Variants in ADGRD1 observed in about 807,000 individuals in gnomAD.
The protein encoded by ADGRD1 is G-protein coupled receptor 133.
ADGRD1 carries 77 observed loss-of-function variants against 113.4 expected under a neutral mutation model. The ratio of observed to expected loss-of-function variants is 0.68; its 90% CI spans 0.57 to 0.82. The LOEUF is 0.82. Ranked by LOEUF, ADGRD1 falls within the 40% of genes least tolerant of loss-of-function variation. ADGRD1 has a pLI of 0.00. For missense variants in ADGRD1, 1,036 were observed against 1,139.1 expected, an observed-to-expected ratio of 0.91 and a Z score of 1.30; for synonymous variants, 474 against 475.0, an observed-to-expected ratio of 1.00 and a Z score of 0.03.
chr12:131,033,828 C>G (rs7298564), intron 13 of ADGRD1, among the ~76,000 whole-genome samples: 79,030 of 152,034 alleles, frequency 0.52, 21,640 homozygotes, highest in Non-Finnish European at 0.61. Context: ...TTCCCTGAGC[C>G]GCGTGGGTGA....
chr12:131,119,862 C>T (rs1352954893), intron 19 of ADGRD1, among the ~76,000 whole-genome samples: 1 of 152,180 alleles, frequency 6.6e-6, no homozygotes, highest in Non-Finnish European at 1.5e-5. Flanking sequence ...GGTGCTGTCT[C>T]TTGTTTTGGG....
At chr12:131,006,963 C>G (rs942427287) in intron 12 of ADGRD1, among the ~76,000 whole-genome samples, 2 of 152,104 alleles carry the variant, frequency 1.3e-5, no homozygotes, top group African/African-American at 4.8e-5. Context: ...GAGATCTTTC[C>G]AAGATAGTGA....
In ADGRD1 at chr12:131,050,298, G is replaced by A. The variant is rs1274561210; in HGVS notation, c.1474-26503G>A. 6.6e-6 allele frequency among the ~76,000 whole-genome samples: 1 copy of A among 152,064 alleles called. No individual in the cohort carries two copies. The highest frequency in any genetic ancestry group is 1.9e-4 in the East Asian group (1 of 5,188). On this transcript the variant is annotated intron_variant, in intron 13 of 24. Coordinates refer to ENST00000261654, the MANE Select transcript of ADGRD1 (RefSeq NM_198827.5). The surrounding 1 kb of genome is among the most constrained non-coding windows in gnomAD (Gnocchi z 4.8). ...CATAGCCAGGAAGTGCTGTTAGTTG[G>A]GCAGGCCAAGTACTCTGGAGTTGCT... is the stretch of plus-strand genomic sequence containing the variant.
In ADGRD1 at chr12:131,105,812, G is replaced by C; in HGVS notation, c.1834G>C (p.Val612Leu). Residue 612 changes from valine (V) to leucine (L), a missense_variant, in exon 17 of 25, where the codon GTG becomes CTG. Val to Leu is a conservative substitution (Grantham distance 32, BLOSUM62 1). Transcript: ENST00000261654. ...YHIHANLSFAVLVAQVLLLIS... is the reference protein window; with the variant it reads ...YHIHANLSFALLVAQVLLLIS... Reference sequence around the variant, plus strand: ...CATCCACGCCAACCTGTCCTTCGCCGTGCTGGTGGCCCAGGTCCTGCTGCT... The same window carrying C: ...CATCCACGCCAACCTGTCCTTCGCCCTGCTGGTGGCCCAGGTCCTGCTGCT... 1 of 1,601,050 alleles carries C rather than the reference G, an allele frequency of 6.2e-7. No individual in the cohort carries two copies. Among genetic ancestry groups the C allele is most frequent in the Non-Finnish European group, 8.5e-7 (1 of 1,179,946 alleles).
intron 18 of ADGRD1, among the ~76,000 whole-genome samples, chr12:131,116,387 C>G (rs1000649326): frequency 6.7e-6 from 1 of 148,294 alleles, no homozygotes; most frequent in African/African-American, 2.7e-5. Flanking sequence ...CATTTAAGTC[C>G]TTTTGACATT....
rs80188652 is a variant in ADGRD1 at position 131,121,773 on chromosome 12, T to G, written c.2175+860T>G. 1.5e-3 allele frequency among the ~76,000 whole-genome samples: 225 copies of G among 152,182 alleles called. 1 individual carries two copies. Among genetic ancestry groups the G allele is most frequent in the African/African-American group, 5.3e-3 (222 of 41,526 alleles). On this transcript the variant is annotated intron_variant, in intron 20 of 24. Transcript: ENST00000261654. The stretch of plus-strand genomic sequence containing the variant: ...GGGCCCAGGGCTCCTGCACCTGCAC[T>G]GGCATGAGGCTCGTCCCTCATCTTC...
In ADGRD1 at chr12:131,120,096, G is replaced by A. The variant is rs530943529; in HGVS notation, c.2109-751G>A. Among the ~76,000 whole-genome samples, 10 of 152,278 alleles carry A rather than the reference G, an allele frequency of 6.6e-5. 1 individual carries two copies. Among genetic ancestry groups the A allele is most frequent in the African/African-American group, 2.2e-4 (9 of 41,560 alleles). ...GACCTGCTGCTCAGTGAGCAGTCACGGAGGGATGAAATAAGCCAGCCCCGG... is the reference window on the plus strand; with the variant it reads ...GACCTGCTGCTCAGTGAGCAGTCACAGAGGGATGAAATAAGCCAGCCCCGG... On this transcript the variant is annotated intron_variant, in intron 19 of 24. Coordinates refer to ENST00000261654, the MANE Select transcript of ADGRD1 (RefSeq NM_198827.5).
Position 131,131,803 on chromosome 12 carries a change from C to T in ADGRD1, c.2254C>T (p.Pro752Ser). 6.2e-7 allele frequency: 1 copy of T among 1,610,460 alleles called. No individual in the cohort carries two copies. The highest frequency in any genetic ancestry group is 8.5e-7 in the Non-Finnish European group (1 of 1,176,790). ...SADNYKIHGD[P>S]SAFKLTAKAV... ...CGACAACTACAAGATCCATGGAGAC[C>T]CCAGTGCCTTCAAGTAAGTTGACCT... is the stretch of plus-strand genomic sequence containing the variant. The change falls in exon 21 of 25, where the codon CCC becomes TCC. Residue 752 changes from proline (P) to serine (S), a missense_variant. By Grantham distance (74) the Pro-to-Ser change is moderately conservative. Coordinates refer to ENST00000261654, the MANE Select transcript of ADGRD1 (RefSeq NM_198827.5).
intron 2 of ADGRD1, chr12:130,957,488 GCACA>G (rs992012653): frequency 2.0e-5 from 3 of 151,666 alleles, no homozygotes; most frequent in Non-Finnish European, 4.4e-5. Context: ...GCACACACAT[GCACA>G]CACACCCTCA....
chr12:130,987,609 G>A (rs1234889657), intron 6 of ADGRD1: 19 of 521,252 alleles, frequency 3.6e-5, no homozygotes, highest in South Asian at 3.1e-4. Flanking sequence ...TGTGATGGAC[G>A]ATTATAGAAG....
intron 12 of ADGRD1, among the ~76,000 whole-genome samples, chr12:131,008,729 G>C (rs971947398): frequency 2.6e-5 from 4 of 152,196 alleles, no homozygotes; most frequent in African/African-American, 9.7e-5. Flanking sequence ...CTCGTGCTAG[G>C]CTCAGCCAGC....
At position 131,102,246 on chromosome 12, in the gene ADGRD1, C is replaced by T. The variant is rs1203572371; in HGVS notation, c.1672-2585C>T. ...GCCTAGAAACTGAGTTCCCTTCACC[C>T]ACCGCGGCTATGCGATTAATGGGAG... On this transcript the variant is annotated intron_variant, in intron 15 of 24. Coordinates refer to ENST00000261654, the MANE Select transcript of ADGRD1 (RefSeq NM_198827.5). 2.0e-5 allele frequency among the ~76,000 whole-genome samples: 3 copies of T among 152,196 alleles called. No individual in the cohort carries two copies. In the East Asian group the frequency reaches 5.8e-4, roughly 29 times the overall value.
rs5801954 is a variant in ADGRD1, at chr12:131,113,267, CT to C, written c.2041+4400del. The stretch of plus-strand genomic sequence containing the variant: ...CTTTAAATGATTATGTTTTTTAAAA[CT>C]TTTTTTTTTCAGTGATAGCTGTCTC... On this transcript the variant is annotated intron_variant, in intron 18 of 24. Coordinates refer to ENST00000261654, the MANE Select transcript of ADGRD1 (RefSeq NM_198827.5). The surrounding 1 kb of genome is among the most constrained non-coding windows in gnomAD (Gnocchi z 4.9). 4.0e-5 allele frequency among the ~76,000 whole-genome samples: 6 copies of C among 150,662 alleles called. No individual in the cohort carries two copies. Among genetic ancestry groups the C allele is most frequent in the South Asian group, 2.1e-4 (1 of 4,740 alleles).
intron 13 of ADGRD1, among the ~76,000 whole-genome samples, chr12:131,019,437 CA>C (rs1332015280): frequency 2.6e-5 from 4 of 152,358 alleles, no homozygotes; most frequent in African/African-American, 9.6e-5. Context: ...GTGTTCTCTT[CA>C]GTCAAAATTG....
chr12:131,038,300 G>A (rs550338430), intron 13 of ADGRD1, among the ~76,000 whole-genome samples: 3 of 152,368 alleles, frequency 2.0e-5, no homozygotes, highest in South Asian at 4.1e-4. Context: ...CCTGTGCGCT[G>A]AGCCAGGGCA....
At chr12:130,978,567 GAA>G (rs1235661998) in intron 4 of ADGRD1, 23 of 152,236 alleles carry the variant, frequency 1.5e-4, no homozygotes, top group African/African-American at 5.1e-4. Flanking sequence ...ATGACTCTAT[GAA>G]GACGTGAATT....
intron 15 of ADGRD1, among the ~76,000 whole-genome samples, chr12:131,101,337 CTTCTTTTCTTTCTTTTATTTTTT>C (rs1486288484): frequency 1.6e-4 from 21 of 128,828 alleles, no homozygotes; most frequent in African/African-American, 6.4e-4. Context: ...ACTGATTTTT[CTTCTTTTCTTTCTTTTATTTTTT>C]TTCTTTTTCT....
intron 9 of ADGRD1, chr12:131,002,641 G>A: frequency 5.3e-6 from 6 of 1,124,762 alleles, no homozygotes; most frequent in Non-Finnish European, 6.6e-6. Context: ...AGGATCCTCT[G>A]CTCTGGAACT....
At chr12:131,110,338 T>C (rs1480759387) in intron 18 of ADGRD1, among the ~76,000 whole-genome samples, 1 of 138,090 alleles carries the variant, frequency 7.2e-6, no homozygotes, top group Non-Finnish European at 1.6e-5. Context: ...ACTTTAATTC[T>C]CTTAATGATT....
Sources: gnomAD v4.1 joint callset for allele counts (sites outside exome capture counted in the v4.1 genomes callset) on GRCh38, gnomAD v4.1.1 for gene constraint, Gnocchi (gnomAD v3.1) non-coding constraint, MANE v1.5 for transcripts, NCBI Gene and HGNC (gene_info 2026-07-23, HGNC 2026-07-21) for gene names.